RPAP2: variants seen among roughly 807,000 people sequenced by gnomAD.
RPAP2 encodes the protein RNA polymerase II associated protein 2, also known as putative RNA polymerase II subunit B1 CTD phosphatase RPAP2.
A neutral mutation model predicts 73.1 loss-of-function variants in RPAP2; 52 were observed. The ratio of observed to expected loss-of-function variants is 0.71; its 90% CI spans 0.57 to 0.90. The LOEUF (loss-of-function observed/expected upper bound fraction) is 0.90, where lower values mean the gene tolerates loss of function less well. Among genes scored for constraint, RPAP2 ranks in the 40% least tolerant of loss-of-function variants. The probability of loss-of-function intolerance (pLI) is 0.00; values close to 1 mark genes in which losing one functional copy is unlikely to be tolerated. For missense variants in RPAP2, 598 were observed against 701.8 expected, an observed-to-expected ratio of 0.85 and a Z score of 1.67; for synonymous variants, 225 against 242.1, an observed-to-expected ratio of 0.93 and a Z score of 0.65.
chr1:92,357,438 T>C (rs1654531753), intron 11 of RPAP2, among the ~76,000 whole-genome samples: 1 of 152,048 alleles, frequency 6.6e-6, no homozygotes, highest in African/African-American at 2.4e-5. Flanking sequence ...TTTCAAGAAA[T>C]AGAACAGATG....
intron 6 of RPAP2, among the ~76,000 whole-genome samples, chr1:92,319,042 TA>T (rs1385110628): frequency 2.6e-5 from 4 of 152,008 alleles, no homozygotes; most frequent in African/African-American, 9.7e-5. Context: ...TTACATGCTT[TA>T]AAAAAGAGAA....
intron 11 of RPAP2, among the ~76,000 whole-genome samples, chr1:92,371,304 CAAA>C (rs1304166097): frequency 0.015 from 1,371 of 90,464 alleles, 40 homozygotes; most frequent in African/African-American, 0.058. Flanking sequence ...GTCTCTGTCT[CAAA>C]AAAAAAAAAA....
intron 6 of RPAP2, among the ~76,000 whole-genome samples, chr1:92,313,524 G>A (rs916754225): frequency 2.0e-5 from 3 of 151,180 alleles, no homozygotes; most frequent in Non-Finnish European, 4.4e-5. Flanking sequence ...ATGTGCAGTC[G>A]TTTAGGCTTT....
rs1571133831 is a variant in RPAP2 at position 92,368,176 on chromosome 1, T to G, written c.1689-12548T>G. Among the ~76,000 whole-genome samples, 4 of 152,106 alleles carry G rather than the reference T, an allele frequency of 2.6e-5. No individual in the cohort carries two copies. The South Asian group carries it at 8.3e-4, about 31-fold the overall frequency. ...ACAGTGGGTCACAAGGTCAGGAGTT[T>G]GAGACCAGCCTGGCCAACACGCTGA... is the stretch of plus-strand genomic sequence containing the variant. On this transcript the variant is annotated intron_variant, in intron 11 of 12. Transcript: ENST00000610020.
intron 6 of RPAP2, among the ~76,000 whole-genome samples, chr1:92,310,771 C>G (rs1651545610): frequency 6.6e-6 from 1 of 152,018 alleles, no homozygotes; most frequent in African/African-American, 2.4e-5. Context: ...CTGGAACATG[C>G]CTGTAGCCCC....
intron 10 of RPAP2, among the ~76,000 whole-genome samples, chr1:92,336,989 A>T (rs1653316463): frequency 6.6e-6 from 1 of 152,160 alleles, no homozygotes; most frequent in Admixed American, 6.5e-5. Context: ...CAAGATAAAA[A>T]TACTCACTCA....
intron 12 of RPAP2, among the ~76,000 whole-genome samples, chr1:92,382,156 A>C (rs1655669821): frequency 6.6e-6 from 1 of 151,848 alleles, no homozygotes; most frequent in South Asian, 2.1e-4. Flanking sequence ...CATTTTCTTA[A>C]TCCAGTCTAT....
intron 6 of RPAP2, among the ~76,000 whole-genome samples, chr1:92,309,279 TA>T (rs1651433905): frequency 1.3e-5 from 2 of 152,002 alleles, no homozygotes; most frequent in South Asian, 4.2e-4. Flanking sequence ...CTGTCTCTAC[TA>T]AAAATACAAA....
chr1:92,389,622 G>A lies in RPAP2; in HGVS notation c.*2611G>A, dbSNP rs546519986. On this transcript the variant is annotated 3_prime_UTR_variant, in exon 13 of 13. Coordinates refer to ENST00000610020, the MANE Select transcript of RPAP2 (RefSeq NM_024813.3). ...AAGCTAAAGGAGCATGTTCTAATGC[G>A]TCGCAAGGAAGCTAAAAATCTTGAA... 5.9e-5 allele frequency: 9 copies of A among 152,214 alleles called. No homozygotes were observed. The South Asian group carries it at 8.3e-4, about 14-fold the overall frequency. The allele number at this position is 152,214 out of a possible 1,614,324, so 9.4% of individuals were successfully genotyped here.
intron 6 of RPAP2, among the ~76,000 whole-genome samples, chr1:92,318,691 T>C (rs183597578): frequency 3.3e-4 from 51 of 152,332 alleles, no homozygotes; most frequent in Non-Finnish European, 6.6e-4. Context: ...ATCTTACTGA[T>C]TCCACTTTCT....
chr1:92,385,616 C>A (rs937003031), intron 12 of RPAP2, among the ~76,000 whole-genome samples: 1 of 151,760 alleles, frequency 6.6e-6, no homozygotes, highest in Non-Finnish European at 1.5e-5. Flanking sequence ...ATCTAGTAAC[C>A]TTTTGAAGAT....
intron 11 of RPAP2, among the ~76,000 whole-genome samples, chr1:92,374,591 A>G (rs1472179590): frequency 6.6e-6 from 1 of 152,170 alleles, no homozygotes; most frequent in African/African-American, 2.4e-5. Context: ...AAGAATCCCA[A>G]TAGTAAGTAG....
intron 8 of RPAP2, among the ~76,000 whole-genome samples, chr1:92,325,348 A>G (rs532075158): frequency 1.2e-4 from 19 of 152,296 alleles, no homozygotes; most frequent in African/African-American, 4.6e-4. Flanking sequence ...ATATATTTCT[A>G]TAGAGTGTTG....
intron 6 of RPAP2, among the ~76,000 whole-genome samples, chr1:92,319,673 T>G (rs1394839577): frequency 6.6e-6 from 1 of 152,158 alleles, no homozygotes; most frequent in Non-Finnish European, 1.5e-5. Context: ...GAGCTTATAG[T>G]CTAGTTAAGA....
At chr1:92,306,558 CAT>C (rs1156790170) in intron 5 of RPAP2, among the ~76,000 whole-genome samples, 1 of 152,056 alleles carries the variant, frequency 6.6e-6, no homozygotes, top group Non-Finnish European at 1.5e-5. Context: ...ATCTTAAAAA[CAT>C]AATTTTAAAC....
intron 11 of RPAP2, among the ~76,000 whole-genome samples, chr1:92,353,310 C>CAAAGT (rs768588698): frequency 1.2e-4 from 18 of 152,134 alleles, no homozygotes; most frequent in Non-Finnish European, 1.6e-4. Flanking sequence ...TTTCCACTAG[C>CAAAGT]AAAGTATGAG....
chr1:92,352,184 C>T (rs773827538), intron 11 of RPAP2, among the ~76,000 whole-genome samples: 10 of 152,100 alleles, frequency 6.6e-5, no homozygotes, highest in African/African-American at 1.7e-4. Flanking sequence ...AACTGTGGCC[C>T]GCTTCCTAGG....
intron 11 of RPAP2, among the ~76,000 whole-genome samples, chr1:92,356,149 A>T (rs969502667): frequency 2.6e-5 from 4 of 151,544 alleles, no homozygotes; most frequent in African/African-American, 9.7e-5. Flanking sequence ...TTTATTTTTT[A>T]ATTTTTTTAG....
At chr1:92,373,940 G>A (rs907870683) in intron 11 of RPAP2, among the ~76,000 whole-genome samples, 6 of 151,558 alleles carry the variant, frequency 4.0e-5, no homozygotes, top group Non-Finnish European at 8.8e-5. Context: ...AATTAAAGCT[G>A]TATGTAATAG....
Sources: allele counts gnomAD v4.1 joint callset (sites outside exome capture counted in the v4.1 genomes callset), GRCh38; gene constraint gnomAD v4.1.1; transcripts MANE v1.5; gene names NCBI Gene and HGNC (gene_info 2026-07-23, HGNC 2026-07-21).